Variants in MAST2 observed in about 807,000 individuals in gnomAD.
MAST2 encodes microtubule-associated serine/threonine-protein kinase 2.
MAST2 carries 70 observed loss-of-function variants against 147.4 expected under a neutral mutation model. The observed-to-expected ratio is 0.47, with a 90% CI of 0.39 to 0.58. The LOEUF (loss-of-function observed/expected upper bound fraction) is 0.58, where lower values mean the gene tolerates loss of function less well. Ranked by LOEUF, MAST2 falls within the 20% of genes least tolerant of loss-of-function variation. The pLI is 0.00. For synonymous variants in MAST2, 869 were observed against 896.8 expected (o/e 0.97, Z 0.55); for missense variants, 2,080 against 2,302.3 (o/e 0.90, Z 1.98).
In MAST2 at chr1:46,008,389, A is replaced by G. The variant is rs1476537683; in HGVS notation, c.978+18A>G. 1 of 1,589,480 alleles carries G rather than the reference A, an allele frequency of 6.3e-7. No homozygotes were observed. The highest frequency in any genetic ancestry group is 1.7e-5 in the Admixed American group (1 of 59,992). ...TCCCAAAGGTAAGGATCCATTTAAAAGGAGAGTGGCAATACCCCTCCGGGT... is the reference window on the plus strand; with the variant it reads ...TCCCAAAGGTAAGGATCCATTTAAAGGGAGAGTGGCAATACCCCTCCGGGT... On this transcript the variant is annotated intron_variant, in intron 9 of 28. Transcript: ENST00000361297.
At chr1:45,912,833 A>G (rs1023634116) in intron 4 of MAST2, among the ~76,000 whole-genome samples, 1 of 152,218 alleles carries the variant, frequency 6.6e-6, no homozygotes, top group African/African-American at 2.4e-5. Context: ...AGAGGGCAAG[A>G]CTTACAGTAA....
At chr1:45,885,167 C>T (rs1218977864) in intron 4 of MAST2, among the ~76,000 whole-genome samples, 1 of 152,114 alleles carries the variant, frequency 6.6e-6, no homozygotes, top group East Asian at 1.9e-4. Flanking sequence ...TTTAAAGTTT[C>T]TATAATTGTC....
chr1:45,941,095 G>T (rs11211230), intron 4 of MAST2, among the ~76,000 whole-genome samples: 67,914 of 151,826 alleles, frequency 0.45, 15,375 homozygotes, highest in East Asian at 0.63. Flanking sequence ...ATAATTTCTG[G>T]GTTGGTGCTT....
intron 4 of MAST2, among the ~76,000 whole-genome samples, chr1:45,908,540 A>G (rs920477821): frequency 6.6e-5 from 10 of 152,354 alleles, no homozygotes; most frequent in South Asian, 2.1e-4. Flanking sequence ...TCTTTGACCA[A>G]TAGATTATTT....
At chr1:45,951,055 T>C (rs1157694052) in intron 4 of MAST2, among the ~76,000 whole-genome samples, 2 of 150,520 alleles carry the variant, frequency 1.3e-5, no homozygotes, top group African/African-American at 2.5e-5. Context: ...TCATCTCTAC[T>C]AAATTTTTTT....
intron 3 of MAST2, among the ~76,000 whole-genome samples, chr1:45,831,563 G>T (rs1644956834): frequency 6.6e-6 from 1 of 152,046 alleles, no homozygotes; most frequent in South Asian, 2.1e-4. Context: ...AGACAGAATG[G>T]TACAGTGAAC....
At chr1:45,961,942 C>T (rs551544394) in intron 5 of MAST2, among the ~76,000 whole-genome samples, 1 of 151,314 alleles carries the variant, frequency 6.6e-6, no homozygotes, top group South Asian at 2.1e-4. Flanking sequence ...CCACAACAGG[C>T]CCCGGTGTGT....
At chr1:45,898,099 ACT>A (rs1453135562) in intron 4 of MAST2, among the ~76,000 whole-genome samples, 1 of 152,052 alleles carries the variant, frequency 6.6e-6, no homozygotes, top group African/African-American at 2.4e-5. Flanking sequence ...ACAGAGTGAG[ACT>A]CTGTCTCTCA....
chr1:46,034,838 G>A lies in MAST2; in HGVS notation c.4169G>A (p.Arg1390Gln), dbSNP rs1490320007. The A allele has an allele frequency of 6.8e-6, 11 of 1,614,124 alleles. No individual in the cohort carries two copies. Among genetic ancestry groups the A allele is most frequent in the East Asian group, 2.2e-5 (1 of 44,882 alleles). The change falls in exon 29 of 29, where the codon CGG becomes CAG. Residue 1390 changes from arginine (R) to glutamine (Q), a missense_variant. By Grantham distance (43) the Arg-to-Gln change is conservative. Transcript: ENST00000361297. The part of the protein sequence containing the change: ...LSPPLGRQLS[R>Q]PKSAEPPRSP... The stretch of plus-strand genomic sequence containing the variant: ...CCTCCCCTGGGCAGGCAACTCTCAC[G>A]GCCCAAGAGTGCGGAGCCACCCCGT...
chr1:45,846,658 A>G (rs1645445996), intron 3 of MAST2, among the ~76,000 whole-genome samples: 1 of 151,896 alleles, frequency 6.6e-6, no homozygotes, highest in Non-Finnish European at 1.5e-5. Flanking sequence ...AGTCTCTACT[A>G]AAAAAACACA....
chr1:46,001,443 G>A (rs1363247841), intron 6 of MAST2, among the ~76,000 whole-genome samples: 2 of 152,186 alleles, frequency 1.3e-5, no homozygotes, highest in African/African-American at 2.4e-5. Context: ...CAAGGGTTTG[G>A]GAAATCCATC....
intron 1 of MAST2, among the ~76,000 whole-genome samples, chr1:45,823,835 A>G (rs1341163609): frequency 6.6e-6 from 1 of 152,086 alleles, no homozygotes; most frequent in Non-Finnish European, 1.5e-5. Flanking sequence ...TGATGATATT[A>G]TTGGACACTG....
chr1:46,032,846 C>T (rs1646731821), intron 26 of MAST2, 128 bp downstream of exon 26: 3 of 1,312,560 alleles, frequency 2.3e-6, no homozygotes, highest in South Asian at 1.4e-5. Context: ...TAGGTACACA[C>T]AGGCCGGGCG....
At chr1:45,943,328 C>T (rs1162710279) in intron 4 of MAST2, among the ~76,000 whole-genome samples, 1 of 152,086 alleles carries the variant, frequency 6.6e-6, no homozygotes, top group African/African-American at 2.4e-5. Flanking sequence ...GGATTTTGAA[C>T]AGGAGATTTA....
intron 5 of MAST2, 53 bp downstream of exon 5, chr1:45,959,530 C>A (rs978133609): frequency 4.3e-5 from 61 of 1,425,962 alleles, no homozygotes; most frequent in Non-Finnish European, 5.9e-5. Flanking sequence ...CACAGATGCC[C>A]AATTTCTTTC....
At chr1:46,013,470 C>T (rs1258164423) in intron 10 of MAST2, among the ~76,000 whole-genome samples, 5 of 152,048 alleles carry the variant, frequency 3.3e-5, no homozygotes, top group African/African-American at 7.2e-5. Context: ...CACCTGAGGT[C>T]GGGAGTTCCA....
intron 4 of MAST2, among the ~76,000 whole-genome samples, chr1:45,940,797 T>C (rs1169013355): frequency 6.6e-6 from 1 of 151,982 alleles, no homozygotes; most frequent in Non-Finnish European, 1.5e-5. Context: ...TTTTTTTGTA[T>C]TTTAGTAGAG....
At chr1:45,987,475 C>A (rs1035664702) in intron 5 of MAST2, among the ~76,000 whole-genome samples, 5 of 152,002 alleles carry the variant, frequency 3.3e-5, no homozygotes, top group Non-Finnish European at 7.4e-5. Flanking sequence ...CCATACCCAG[C>A]TAATTTTTAA....
intron 4 of MAST2, among the ~76,000 whole-genome samples, chr1:45,883,912 G>GCCCCCCCCCCCC (rs369757720): frequency 4.0e-4 from 1 of 2,506 alleles, no homozygotes; most frequent in Non-Finnish European, 1.0e-3. Context: ...TACTATTTCT[G>GCCCCCCCCCCCC]CCCCCCCCGC....
Sources: gnomAD v4.1 joint callset for allele counts (sites outside exome capture counted in the v4.1 genomes callset) on GRCh38, gnomAD v4.1.1 for gene constraint, MANE v1.5 for transcripts, NCBI Gene and HGNC (gene_info 2026-07-23, HGNC 2026-07-21) for gene names.